NOS3: variants seen among roughly 807,000 people sequenced by gnomAD.
The protein encoded by NOS3 is NOS type III.
NOS3 carries 98 observed loss-of-function variants against 144.9 expected under a neutral mutation model. The ratio of observed to expected loss-of-function variants is 0.68; its 90% CI spans 0.57 to 0.80. NOS3 has a LOEUF of 0.80. NOS3 is among the 30% of genes least tolerant of loss of function. NOS3 has a pLI of 0.00. For synonymous variants in NOS3, 714 were observed against 702.4 expected (o/e 1.02, Z -0.26); for missense variants, 1,465 against 1,656.4 (o/e 0.88, Z 2.01).
In NOS3 at chr7:151,009,185, C is replaced by A. The variant is rs1795252628; in HGVS notation, c.2246-4C>A. On this transcript the variant is annotated splice_polypyrimidine_tract_variant and splice_region_variant and intron_variant, in intron 18 of 26. Coordinates refer to ENST00000297494, the MANE Select transcript of NOS3 (RefSeq NM_000603.5). ...CTGCCTCATTTGCCCCTCCCCGCCC[C>A]CAGGTCTGATCCACGTGCACAGGCG... The A allele has an allele frequency of 6.2e-7, 1 of 1,613,842 alleles. No individual in the cohort carries two copies. Among genetic ancestry groups the A allele is most frequent in the Non-Finnish European group, 8.5e-7 (1 of 1,179,898 alleles).
In NOS3 at chr7:151,010,097, C is replaced by G; in HGVS notation, c.2513-18C>G. The G allele has an allele frequency of 6.4e-7, 1 of 1,554,164 alleles. No homozygotes were observed. Among genetic ancestry groups the G allele is most frequent in the Non-Finnish European group, 8.8e-7 (1 of 1,131,124 alleles). ...CTGCTGGGCCCTGTCCTCAGAGCTC[C>G]CTGTGCACTATCCCCAGGTGGCCCT... is the stretch of plus-strand genomic sequence containing the variant. On this transcript the variant is annotated intron_variant, in intron 20 of 26. Transcript: ENST00000297494.
At chr7:151,005,693 C>A (rs3918188) in intron 14 of NOS3, among the ~76,000 whole-genome samples, 52,850 of 151,928 alleles carry the variant, frequency 0.35, 9,495 homozygotes, top group African/African-American at 0.38. Flanking sequence ...CGTACAAGGG[C>A]GTTTGAGAGA....
intron 24 of NOS3, chr7:151,012,679 T>G: frequency 1.8e-6 from 1 of 556,256 alleles, no homozygotes; most frequent in South Asian, 2.4e-5. Flanking sequence ...TGGTACATAG[T>G]AGGTGTTGAC....
chr7:150,996,493 T>A lies in NOS3; in HGVS notation c.360T>A (p.Pro120=), dbSNP rs768292944. The A allele has an allele frequency of 6.2e-7, 1 of 1,602,756 alleles. No homozygotes were observed. The highest frequency in any genetic ancestry group is 1.7e-5 in the Admixed American group (1 of 59,104). The change falls in exon 4 of 27, where the codon CCT becomes CCA. Residue 120 remains proline, a synonymous_variant. Coordinates refer to ENST00000297494, the MANE Select transcript of NOS3 (RefSeq NM_000603.5). ...QGRPSPGPPA[P]EQLLSQARDF... ...GGCCCTCCCCCGGCCCCCCGGCCCC[T>A]GAGCAGCTGCTGAGTCAGGCCCGGG...
At chr7:151,010,434 A>G (rs1795280013) in intron 21 of NOS3, 147 bp downstream of exon 21, 1 of 1,043,114 alleles carries the variant, frequency 9.6e-7, no homozygotes. Context: ...CCAGCTCCTC[A>G]GGGAGGAATT....
intron 25 of NOS3, 51 bp from the exon 26 acceptor site, chr7:151,013,673 G>T: frequency 1.4e-6 from 2 of 1,437,216 alleles, no homozygotes; most frequent in Non-Finnish European, 1.9e-6. Context: ...CCCGGGCTGC[G>T]CCCCCGCGCC....
Position 151,002,086 on chromosome 7 carries a change from G to A in NOS3, c.1648-114G>A. ...GACTCATGAGGAACCCGGAACCACA[G>A]GTGTTCAGAGATCAAGTTGGGGCCT... On this transcript the variant is annotated intron_variant, in intron 13 of 26. Coordinates refer to ENST00000297494, the MANE Select transcript of NOS3 (RefSeq NM_000603.5). The surrounding 1 kb of genome is among the most constrained non-coding windows in gnomAD (Gnocchi z 4.1). 2.1e-6 allele frequency: 3 copies of A among 1,444,858 alleles called. No homozygotes were observed. The highest frequency in any genetic ancestry group is 1.9e-6 in the Non-Finnish European group (2 of 1,047,378). The allele number at this position is 1,444,858 out of a possible 1,614,324, so 89.5% of individuals were successfully genotyped here. A position where few individuals can be genotyped will look rare whatever the true frequency, so the allele number is the denominator to read the frequency against.
chr7:151,001,662 C>G (rs965978585), intron 12 of NOS3, 45 bp downstream of exon 12: 4 of 1,574,344 alleles, frequency 2.5e-6, no homozygotes, highest in Admixed American at 1.7e-5. Flanking sequence ...ACCCTGGGGG[C>G]CCCACTCTCC....
intron 12 of NOS3, 45 bp from the exon 13 acceptor site, chr7:151,001,776 T>C: frequency 6.2e-7 from 1 of 1,612,022 alleles, no homozygotes; most frequent in Non-Finnish European, 8.5e-7. Flanking sequence ...GGGGAGGCCC[T>C]GCCTCTGTGC....
chr7:150,994,518 G>A (rs973140177), intron 2 of NOS3, among the ~76,000 whole-genome samples: 12 of 152,208 alleles, frequency 7.9e-5, no homozygotes, highest in African/African-American at 2.6e-4. Context: ...CCCTCTCCTC[G>A]TGGCTGTCAC....
At position 151,001,584 on chromosome 7, in the gene NOS3, T is replaced by C; in HGVS notation, c.1469T>C (p.Ile490Thr). 1 of 1,613,970 alleles carries C rather than the reference T, an allele frequency of 6.2e-7. No homozygotes were observed. Among genetic ancestry groups the C allele is most frequent in the Non-Finnish European group, 8.5e-7 (1 of 1,180,006 alleles). The change falls in exon 12 of 27, where the codon ATC becomes ACC. Residue 490 changes from isoleucine to threonine, a missense_variant. By Grantham distance (89) the Ile-to-Thr change is moderately conservative. Around this residue, in one of 5 missense-constraint regions of NOS3, gnomAD observed 745 missense variants for 853.9 expected, o/e 0.87. Transcript: ENST00000297494. ...GGGAGTGCCGCCAAGGGCACCGGCA[T>C]CACCAGGAAGAAGACCTTTAAAGAA... ...WKGSAAKGTG[I>T]TRKKTFKEVA...
At chr7:150,995,645 C>T (rs1248842708) in intron 3 of NOS3, among the ~76,000 whole-genome samples, 1 of 5,226 alleles carries the variant, frequency 1.9e-4, no homozygotes. Context: ...CACCCCTGCA[C>T]CCCTCTTCCC....
At position 151,001,321 on chromosome 7, in the gene NOS3, C is replaced by A. The variant is rs1207866959; in HGVS notation, c.1324C>A (p.Pro442Thr). 6.2e-7 allele frequency: 1 copy of A among 1,613,708 alleles called. No homozygotes were observed. Among genetic ancestry groups the A allele is most frequent in the Non-Finnish European group, 8.5e-7 (1 of 1,179,936 alleles). ...ENEQKARGGC[P>T]ADWAWIVPPI... ...TGAGCAGAAGGCCAGGGGGGGCTGC[C>A]CTGCAGACTGGGCCTGGATCGTGCC... The change falls in exon 11 of 27, where the codon CCT (proline) becomes ACT (threonine). Residue 442 changes from proline to threonine, a missense_variant. Pro to Thr is a conservative substitution (Grantham distance 38). Around this residue, in one of 5 missense-constraint regions of NOS3, gnomAD observed 745 missense variants for 853.9 expected, o/e 0.87. Coordinates refer to ENST00000297494, the MANE Select transcript of NOS3 (RefSeq NM_000603.5).
At position 150,998,126 on chromosome 7, in the gene NOS3, A is replaced by G. The variant is rs3793341; in HGVS notation, c.583-231A>G. On this transcript the variant is annotated intron_variant, in intron 5 of 26. Coordinates refer to ENST00000297494, the MANE Select transcript of NOS3 (RefSeq NM_000603.5). This position sits in a 1 kb window ranked among gnomAD's most constrained non-coding sequence, Gnocchi z 5.0. ...TGTACTGGATACCAAGTCAGCTTCCATAGGGATGGGGAGACACCTGGCCCA... is the reference window on the plus strand; with the variant it reads ...TGTACTGGATACCAAGTCAGCTTCCGTAGGGATGGGGAGACACCTGGCCCA... Among the ~76,000 whole-genome samples the G allele has an allele frequency of 0.26, 39,568 of 152,120 alleles. 7,164 individuals carry two copies. Among genetic ancestry groups the G allele is most frequent in the African/African-American group, 0.51 (21,318 of 41,474 alleles).
chr7:151,000,581 C>T lies in NOS3; in HGVS notation c.1215C>T (p.Ala405=), dbSNP rs370745212. The change falls in exon 10 of 27, where the codon GCC becomes GCT. Residue 405 remains alanine (A), a synonymous_variant. Coordinates refer to ENST00000297494, the MANE Select transcript of NOS3 (RefSeq NM_000603.5). ...KDKAAVEINV[A]VLHSYQLAKV... ...AGGCAGCAGTGGAAATCAACGTGGC[C>T]GTGCTGCACAGTTACCAGGTGCAGA... 1.7e-5 allele frequency: 28 copies of T among 1,612,514 alleles called. No homozygotes were observed. Among genetic ancestry groups the T allele is most frequent in the Non-Finnish European group, 2.0e-5 (24 of 1,179,140 alleles).
chr7:150,999,262 T>C lies in NOS3; in HGVS notation c.1029T>C (p.Ile343=). 1.2e-6 allele frequency: 2 copies of C among 1,612,270 alleles called. No individual in the cohort carries two copies. Among genetic ancestry groups the C allele is most frequent in the Non-Finnish European group, 1.7e-6 (2 of 1,179,790 alleles). The change falls in exon 9 of 27, where the codon ATT becomes ATC. Residue 343 remains isoleucine, a synonymous_variant. Coordinates refer to ENST00000297494, the MANE Select transcript of NOS3 (RefSeq NM_000603.5). ...CAGTGTCCAACATGCTGCTGGAAAT[T>C]GGGGGCCTGGAGTTCCCCGCAGCCC... ...LPAVSNMLLE[I]GGLEFPAAPF...
intron 25 of NOS3, 27 bp from the exon 26 acceptor site, chr7:151,013,690 CACCAGGG>C: frequency 5.9e-6 from 9 of 1,515,620 alleles, no homozygotes; most frequent in South Asian, 1.2e-5. Flanking sequence ...CGCCCACCCC[CACCAGGG>C]CCCGCCCTAA....
At position 150,996,819 on chromosome 7, in the gene NOS3, C is replaced by A. The variant is rs369302672; in HGVS notation, c.476C>A (p.Ala159Asp). Residue 159 changes from alanine to aspartate, a missense_variant, in exon 5 of 27, where the codon GCC becomes GAC. Coordinates refer to ENST00000297494, the MANE Select transcript of NOS3 (RefSeq NM_000603.5). ...RLQEVEAEVA[A>D]TGTYQLRESE... is the part of the protein sequence containing the mutation. ...CAAGAGGTGGAAGCCGAGGTGGCAG[C>A]CACAGGCACCTACCAGCTTAGGGAG... is the stretch of plus-strand genomic sequence containing the variant. 6.2e-7 allele frequency: 1 copy of A among 1,611,164 alleles called. No homozygotes were observed. Among genetic ancestry groups the A allele is most frequent in the African/African-American group, 1.3e-5 (1 of 74,920 alleles).
chr7:151,000,934 G>A (rs1795076766), intron 10 of NOS3, among the ~76,000 whole-genome samples: 1 of 152,200 alleles, frequency 6.6e-6, no homozygotes, highest in Non-Finnish European at 1.5e-5. Context: ...GGGCACACCA[G>A]GAGTCGTAGT....
Sources: allele counts gnomAD v4.1 joint callset (sites outside exome capture counted in the v4.1 genomes callset), GRCh38; gene constraint gnomAD v4.1.1; regional missense constraint gnomAD v4.1.1; non-coding constraint Gnocchi (gnomAD v3.1); transcripts MANE v1.5; gene names NCBI Gene and HGNC (gene_info 2026-07-23, HGNC 2026-07-21).